PRKAR1B: variants seen among roughly 807,000 people sequenced by gnomAD.
The protein encoded by PRKAR1B is protein kinase cAMP-dependent type I regulatory subunit beta.
Under a neutral mutation model 46.5 loss-of-function variants are expected in PRKAR1B, and 22 were observed. That is an observed-to-expected ratio of 0.47 (90% confidence interval 0.34 to 0.68). The LOEUF (loss-of-function observed/expected upper bound fraction) is 0.68, where lower values mean the gene tolerates loss of function less well. PRKAR1B is among the 30% of genes least tolerant of loss of function. PRKAR1B has a pLI of 0.01. For missense variants in PRKAR1B, 445 were observed against 535.6 expected, an observed-to-expected ratio of 0.83 and a Z score of 1.67; for synonymous variants, 259 against 217.7, an observed-to-expected ratio of 1.19 and a Z score of -1.67.
At chr7:719,423 C>T (rs73256253) in intron 1 of PRKAR1B, among the ~76,000 whole-genome samples, 53,043 of 152,034 alleles carry the variant, frequency 0.35, 9,352 homozygotes, top group South Asian at 0.49. Context: ...AAGCAATCCT[C>T]CTGCCTCAGC....
intron 1 of PRKAR1B, among the ~76,000 whole-genome samples, chr7:721,385 G>T (rs1431857329): frequency 2.6e-5 from 4 of 152,172 alleles, no homozygotes; most frequent in African/African-American, 9.7e-5. Flanking sequence ...GGTGGCTCAC[G>T]CCTGTAATCC....
chr7:682,360 G>A (rs1778735306), intron 2 of PRKAR1B, among the ~76,000 whole-genome samples: 1 of 152,126 alleles, frequency 6.6e-6, no homozygotes, highest in Non-Finnish European at 1.5e-5. Context: ...CGGGTGTGGT[G>A]GCTCACGCCT....
chr7:680,836 G>A (rs1314088035), intron 2 of PRKAR1B, 110 bp from the exon 3 acceptor site: 19 of 1,282,512 alleles, frequency 1.5e-5, no homozygotes, highest in East Asian at 1.0e-4. Flanking sequence ...TGGGAGGATC[G>A]CTTGAACTCA....
intron 1 of PRKAR1B, among the ~76,000 whole-genome samples, chr7:719,344 T>C (rs974089130): frequency 4.6e-5 from 7 of 151,926 alleles, no homozygotes; most frequent in Admixed American, 1.3e-4. Flanking sequence ...CCGGCCATAA[T>C]TTTGTATTCT....
At chr7:672,333 G>A (rs1057446676) in intron 4 of PRKAR1B, among the ~76,000 whole-genome samples, 1 of 151,696 alleles carries the variant, frequency 6.6e-6, no homozygotes, top group Admixed American at 6.6e-5. Flanking sequence ...TGTATTTTTA[G>A]TAGAGATGGG....
At chr7:629,409 C>T (rs1269559404) in intron 4 of PRKAR1B, among the ~76,000 whole-genome samples, 2 of 128,958 alleles carry the variant, frequency 1.6e-5, no homozygotes, top group Non-Finnish European at 3.3e-5. Context: ...GCGCCACCAC[C>T]CCAAGGCTGG....
At chr7:575,447 T>G (rs1191415087) in intron 9 of PRKAR1B, among the ~76,000 whole-genome samples, 1 of 152,180 alleles carries the variant, frequency 6.6e-6, no homozygotes, top group Non-Finnish European at 1.5e-5. Flanking sequence ...GTCTGTCAAG[T>G]GTGTACCTAA....
At chr7:566,508 CATCATG>C (rs1214134697) in intron 9 of PRKAR1B, among the ~76,000 whole-genome samples, 1 of 152,138 alleles carries the variant, frequency 6.6e-6, no homozygotes, top group Admixed American at 6.5e-5. Context: ...CCTTCATCAC[CATCATG>C]ATCATCACCA....
At position 593,469 on chromosome 7, in the gene PRKAR1B, G is replaced by A. The variant is rs1292694161; in HGVS notation, c.708+2677C>T. 6.6e-6 allele frequency among the ~76,000 whole-genome samples: 1 copy of A among 152,202 alleles called. No individual in the cohort carries two copies. The highest frequency in any genetic ancestry group is 2.4e-5 in the African/African-American group (1 of 41,442). On this transcript the variant is annotated intron_variant, in intron 7 of 10. Transcript: ENST00000537384. This position sits in a 1 kb window ranked among gnomAD's most constrained non-coding sequence, Gnocchi z 6.1. ...CAAAATTAAAACAGAGGAAGCGCCA[G>A]CTCCCTCAGTGGTTTGGGAACTTCC...
intron 4 of PRKAR1B, among the ~76,000 whole-genome samples, chr7:629,495 G>A (rs879913591): frequency 8.1e-6 from 1 of 122,828 alleles, no homozygotes; most frequent in Admixed American, 8.0e-5. Context: ...CAGGAGCGGG[G>A]CCACGGCCTC....
At chr7:695,156 C>T (rs1188901611) in intron 2 of PRKAR1B, among the ~76,000 whole-genome samples, 1 of 152,156 alleles carries the variant, frequency 6.6e-6, no homozygotes, top group Non-Finnish European at 1.5e-5. Context: ...GACCAGACGA[C>T]CGCTCAGCTA....
At chr7:600,267 A>G (rs1049181445) in intron 6 of PRKAR1B, among the ~76,000 whole-genome samples, 1 of 152,214 alleles carries the variant, frequency 6.6e-6, no homozygotes, top group African/African-American at 2.4e-5. Context: ...CACTTTGGGA[A>G]GCCCAGGCGG....
At chr7:659,085 G>C (rs1343547548) in intron 4 of PRKAR1B, among the ~76,000 whole-genome samples, 1 of 143,204 alleles carries the variant, frequency 7.0e-6, no homozygotes, top group Non-Finnish European at 1.6e-5. Context: ...GTGCAGGACG[G>C]CTCACAAACC....
At chr7:557,136 G>A (rs1461144715) in intron 9 of PRKAR1B, among the ~76,000 whole-genome samples, 1 of 152,206 alleles carries the variant, frequency 6.6e-6, no homozygotes, top group Non-Finnish European at 1.5e-5. Context: ...AGCGGAGTCT[G>A]GTGGCCCCGG....
At chr7:590,646 C>G (rs567359808) in intron 7 of PRKAR1B, among the ~76,000 whole-genome samples, 1 of 152,224 alleles carries the variant, frequency 6.6e-6, no homozygotes, top group Non-Finnish European at 1.5e-5. Flanking sequence ...CAGAGCAGCA[C>G]TAAAATGGCT....
Position 593,686 on chromosome 7 carries a change from G to C in PRKAR1B, c.708+2460C>G, listed in dbSNP as rs1043999194. On this transcript the variant is annotated intron_variant, in intron 7 of 10. Coordinates refer to ENST00000537384, the MANE Select transcript of PRKAR1B (RefSeq NM_001164760.2). The surrounding 1 kb of genome is among the most constrained non-coding windows in gnomAD (Gnocchi z 6.1). Reference sequence around the variant, plus strand: ...GGGTGTCTCAGGGGACCCCTCCCACGCGGCGACAGAGGCCTCCCAGTGAAG... The same window carrying C: ...GGGTGTCTCAGGGGACCCCTCCCACCCGGCGACAGAGGCCTCCCAGTGAAG... Among the ~76,000 whole-genome samples the C allele has an allele frequency of 5.9e-5, 9 of 152,136 alleles. No homozygotes were observed. Among genetic ancestry groups the C allele is most frequent in the African/African-American group, 2.2e-4 (9 of 41,436 alleles).
At chr7:689,558 T>C (rs890493250) in intron 2 of PRKAR1B, among the ~76,000 whole-genome samples, 31 of 152,172 alleles carry the variant, frequency 2.0e-4, no homozygotes, top group African/African-American at 7.2e-4. Context: ...TTGTAAACAC[T>C]TTCCTTCTTT....
intron 9 of PRKAR1B, among the ~76,000 whole-genome samples, chr7:561,672 T>G (rs1778806463): frequency 6.6e-6 from 1 of 152,028 alleles, no homozygotes; most frequent in African/African-American, 2.4e-5. Context: ...CTGCAAACTG[T>G]CCTCGGGACG....
At chr7:612,475 G>GATGT (rs1274642329) in intron 4 of PRKAR1B, among the ~76,000 whole-genome samples, 7 of 149,682 alleles carry the variant, frequency 4.7e-5, no homozygotes, top group Non-Finnish European at 8.9e-5. Context: ...TGGATGGATG[G>GATGT]ATGTAAGGAT....
Sources: allele counts gnomAD v4.1 joint callset (sites outside exome capture counted in the v4.1 genomes callset), GRCh38; gene constraint gnomAD v4.1.1; non-coding constraint Gnocchi (gnomAD v3.1); transcripts MANE v1.5; gene names NCBI Gene and HGNC (gene_info 2026-07-23, HGNC 2026-07-21).